RBFOX1: variants seen among roughly 807,000 people sequenced by gnomAD.
RBFOX1 encodes the protein RNA binding protein fox-1 homolog 1.
RBFOX1 carries 8 observed loss-of-function variants against 57.7 expected under a neutral mutation model. The ratio of observed to expected loss-of-function variants is 0.14; its 90% confidence interval spans 0.08 to 0.25. The LOEUF is 0.25. Ranked by LOEUF, RBFOX1 falls within the 10% of genes least tolerant of loss-of-function variation. The probability of loss-of-function intolerance (pLI) is 1.00; values close to 1 mark genes in which losing one functional copy is unlikely to be tolerated. For missense variants in RBFOX1, 611 were observed against 548.5 expected (o/e 1.11, Z -1.14); for synonymous variants, 326 against 222.4 (o/e 1.47, Z -4.15).
intron 3 of RBFOX1, among the ~76,000 whole-genome samples, chr16:5,737,421 G>T (rs2052616660): frequency 6.6e-6 from 1 of 152,084 alleles, no homozygotes; most frequent in Non-Finnish European, 1.5e-5. Flanking sequence ...AGGAGGTGGA[G>T]GTTGCAGTGA....
At chr16:5,948,976 C>G (rs9925350) in intron 4 of RBFOX1, among the ~76,000 whole-genome samples, 5,028 of 152,218 alleles carry the variant, frequency 0.033, 265 homozygotes, top group African/African-American at 0.11. Flanking sequence ...CATCTTCTCT[C>G]TTGCTGTCAC....
chr16:7,644,001 A>G (rs1349959950), intron 11 of RBFOX1, among the ~76,000 whole-genome samples: 1 of 152,172 alleles, frequency 6.6e-6, no homozygotes, highest in African/African-American at 2.4e-5. Context: ...CAGATGTGGT[A>G]TGGATATAGG....
intron 3 of RBFOX1, among the ~76,000 whole-genome samples, chr16:7,034,126 G>A (rs78331893): frequency 0.014 from 2,191 of 152,272 alleles, 24 homozygotes; most frequent in Non-Finnish European, 0.021. Context: ...GGAGCAACAG[G>A]ACGTTGTCTG....
chr16:6,886,072 T>A (rs2063956433), intron 3 of RBFOX1, among the ~76,000 whole-genome samples: 1 of 151,216 alleles, frequency 6.6e-6, no homozygotes, highest in South Asian at 2.1e-4. Context: ...TTTTCTTTTT[T>A]TTTTTTTTGA....
chr16:5,480,794 A>G (rs1382084101), intron 2 of RBFOX1, among the ~76,000 whole-genome samples: 1 of 152,214 alleles, frequency 6.6e-6, no homozygotes, highest in Non-Finnish European at 1.5e-5. Flanking sequence ...TTCTCAGTGC[A>G]TGCATAATAT....
At chr16:6,785,221 G>A (rs913544541) in intron 3 of RBFOX1, among the ~76,000 whole-genome samples, 2 of 151,970 alleles carry the variant, frequency 1.3e-5, no homozygotes, top group African/African-American at 2.4e-5. Context: ...GAATTTGAGG[G>A]AATCTCCCAG....
rs556825721 is a variant in RBFOX1 at position 6,006,001 on chromosome 16, C to A, written c.351+138666C>A. 3.3e-5 allele frequency among the ~76,000 whole-genome samples: 5 copies of A among 152,274 alleles called. No homozygotes were observed. The South Asian group carries it at 8.3e-4, about 25-fold the overall frequency. On this transcript the variant is annotated intron_variant, in intron 4 of 19. Transcript: ENST00000641259. ...CTAGGAAGGCAGGCTTGGGCCAATT[C>A]ATGGAGAGTCTTGTATGGTAAGCAA...
At chr16:5,760,861 C>T (rs150292973) in intron 3 of RBFOX1, among the ~76,000 whole-genome samples, 5 of 152,156 alleles carry the variant, frequency 3.3e-5, no homozygotes, top group Admixed American at 6.5e-5. Flanking sequence ...GAGTAGGGAG[C>T]GAGTGGGGTT....
chr16:5,788,790 G>A (rs1208231849), intron 3 of RBFOX1, among the ~76,000 whole-genome samples: 1 of 151,920 alleles, frequency 6.6e-6, no homozygotes, highest in Non-Finnish European at 1.5e-5. Context: ...TCAGTGACAG[G>A]CACATGCTTT....
intron 2 of RBFOX1, among the ~76,000 whole-genome samples, chr16:5,474,010 A>G (rs1033258248): frequency 6.6e-6 from 1 of 152,074 alleles, no homozygotes; most frequent in African/African-American, 2.4e-5. Context: ...GGATGGATGG[A>G]TGAGTAGATG....
rs372717016 is a variant in RBFOX1, at chr16:6,044,188, C to G, written c.-127+24196C>G. 2.0e-5 allele frequency among the ~76,000 whole-genome samples: 3 copies of G among 152,176 alleles called. No homozygotes were observed. The South Asian group carries it at 6.2e-4, about 32-fold the overall frequency. Reference sequence around the variant, plus strand: ...AAAAAACAAAACAAAACAGGTATGTCTTGAATTAGGCTAGGCTAAATCTTT... The same window carrying G: ...AAAAAACAAAACAAAACAGGTATGTGTTGAATTAGGCTAGGCTAAATCTTT... On this transcript the variant is annotated intron_variant, in intron 1 of 15. Coordinates refer to ENST00000550418, the MANE Select transcript of RBFOX1 (RefSeq NM_018723.4).
Position 6,792,732 on chromosome 16 carries a change from A to G in RBFOX1, c.-16+138082A>G, listed in dbSNP as rs188545633. On this transcript the variant is annotated intron_variant, in intron 3 of 15. Transcript: ENST00000550418. ...TCAAAATAGATTGTTCTTGAAGGGG[A>G]TATAAATAGAAGTGATGGGCCGGCA... 3.7e-3 allele frequency among the ~76,000 whole-genome samples: 563 copies of G among 152,164 alleles called. 1 individual carries two copies. The highest frequency in any genetic ancestry group is 9.3e-3 in the Admixed American group (142 of 15,284).
At chr16:5,573,341 A>C (rs960791225) in intron 2 of RBFOX1, among the ~76,000 whole-genome samples, 1 of 152,238 alleles carries the variant, frequency 6.6e-6, no homozygotes, top group African/African-American at 2.4e-5. Context: ...CTTTCTCATC[A>C]CTGCTTTGAC....
At chr16:6,678,192 C>T (rs36031314) in intron 3 of RBFOX1, among the ~76,000 whole-genome samples, 20,302 of 152,280 alleles carry the variant, frequency 0.13, 1,594 homozygotes, top group Middle Eastern at 0.19. Context: ...GGCACAATCT[C>T]GGTTCACTGC....
intron 2 of RBFOX1, among the ~76,000 whole-genome samples, chr16:6,592,920 C>A (rs536260533): frequency 6.6e-6 from 1 of 152,012 alleles, no homozygotes; most frequent in African/African-American, 2.4e-5. Flanking sequence ...TGGCTGGGCA[C>A]GGTGGCTCAT....
chr16:7,546,358 TAAAATAAAATAAAATAAAATAATAA>T (rs2084542550), intron 5 of RBFOX1, among the ~76,000 whole-genome samples: 1 of 117,238 alleles, frequency 8.5e-6, no homozygotes, highest in African/African-American at 3.1e-5. Context: ...TAAAATAAAA[TAAAATAAAATAAAATAAAATAATAA>T]AATAAAATTG....
At chr16:6,774,409 C>G (rs985357820) in intron 3 of RBFOX1, among the ~76,000 whole-genome samples, 5 of 152,130 alleles carry the variant, frequency 3.3e-5, no homozygotes, top group Non-Finnish European at 7.4e-5. Flanking sequence ...ATCACAATTT[C>G]TAAAACTGGG....
chr16:7,599,235 G>A (rs1451072598), intron 9 of RBFOX1, among the ~76,000 whole-genome samples: 1 of 152,156 alleles, frequency 6.6e-6, no homozygotes, highest in African/African-American at 2.4e-5. Context: ...TTTCATATAT[G>A]GTGACATCAA....
chr16:6,473,570 G>GT (rs2095225629), intron 2 of RBFOX1, among the ~76,000 whole-genome samples: 1 of 151,628 alleles, frequency 6.6e-6, no homozygotes, highest in African/African-American at 2.4e-5. Context: ...CATAGCTTCT[G>GT]TTATTTTTAT....
Sources: allele counts gnomAD v4.1 joint callset (sites outside exome capture counted in the v4.1 genomes callset), GRCh38; gene constraint gnomAD v4.1.1; transcripts MANE v1.5; gene names NCBI Gene and HGNC (gene_info 2026-07-23, HGNC 2026-07-21).